SOX5: variants seen among roughly 807,000 people sequenced by gnomAD.
SOX5 encodes the protein SRY-box transcription factor 5.
A neutral mutation model predicts 92.0 loss-of-function variants in SOX5; 9 were observed. The observed-to-expected ratio is 0.10, with a 90% CI of 0.06 to 0.17. The LOEUF (loss-of-function observed/expected upper bound fraction) is 0.17, where lower values mean the gene tolerates loss of function less well. Among genes scored for constraint, SOX5 ranks in the 10% least tolerant of loss-of-function variants. SOX5 has a pLI of 1.00. For synonymous variants in SOX5, 344 were observed against 336.3 expected (o/e 1.02, Z -0.25); for missense variants, 642 against 944.5 (o/e 0.68, Z 4.20).
chr12:24,531,840 G>A (rs1951221280), intron 1 of SOX5, among the ~76,000 whole-genome samples: 1 of 152,176 alleles, frequency 6.6e-6, no homozygotes, highest in Admixed American at 6.5e-5. Flanking sequence ...TGCCCGCTGA[G>A]GTTATCAAAA....
At chr12:24,394,231 T>G (rs1405784584) in intron 1 of SOX5, among the ~76,000 whole-genome samples, 1 of 152,114 alleles carries the variant, frequency 6.6e-6, no homozygotes, top group Non-Finnish European at 1.5e-5. Flanking sequence ...GAAGGCGATC[T>G]CATCCTCACC....
intron 4 of SOX5, among the ~76,000 whole-genome samples, chr12:24,051,515 A>C (rs1480604724): frequency 6.6e-6 from 1 of 152,210 alleles, no homozygotes; most frequent in Non-Finnish European, 1.5e-5. Flanking sequence ...TATGGAATTC[A>C]TTCCAAGAAC....
intron 3 of SOX5, among the ~76,000 whole-genome samples, chr12:23,776,864 C>T (rs2095120284): frequency 1.3e-5 from 2 of 152,210 alleles, no homozygotes; most frequent in African/African-American, 4.8e-5. Flanking sequence ...TCCTAACAGG[C>T]CACGGACCAG....
At chr12:24,238,729 A>G (rs1293672933) in intron 3 of SOX5, among the ~76,000 whole-genome samples, 1 of 151,930 alleles carries the variant, frequency 6.6e-6, no homozygotes, top group Non-Finnish European at 1.5e-5. Flanking sequence ...CTCAATTTCT[A>G]CCTTCTTTTC....
chr12:23,860,727 T>C (rs547743466), intron 2 of SOX5, among the ~76,000 whole-genome samples: 9 of 152,256 alleles, frequency 5.9e-5, no homozygotes, highest in African/African-American at 2.2e-4. Flanking sequence ...TAATGACTTA[T>C]GAAGCATTTA....
chr12:23,927,076 G>A (rs566475055), intron 1 of SOX5, among the ~76,000 whole-genome samples: 4 of 152,028 alleles, frequency 2.6e-5, no homozygotes, highest in Non-Finnish European at 4.4e-5. Flanking sequence ...TTTAAAAACT[G>A]GACATTCCTT....
At chr12:24,403,023 A>G (rs1273254477) in intron 1 of SOX5, among the ~76,000 whole-genome samples, 1 of 152,132 alleles carries the variant, frequency 6.6e-6, no homozygotes, top group African/African-American at 2.4e-5. Flanking sequence ...ACAGGCACAA[A>G]TCTTCCCATG....
At chr12:24,230,382 C>T (rs1037363890) in intron 3 of SOX5, among the ~76,000 whole-genome samples, 4 of 151,906 alleles carry the variant, frequency 2.6e-5, no homozygotes, top group Non-Finnish European at 5.9e-5. Context: ...AGCTATTTAC[C>T]GGTAGAAAAA....
At chr12:24,026,613 A>C (rs1009752642) in intron 4 of SOX5, among the ~76,000 whole-genome samples, 12 of 143,096 alleles carry the variant, frequency 8.4e-5, no homozygotes, top group African/African-American at 1.3e-4. Context: ...AAAAAAAAAA[A>C]CAAAAAAAAT....
chr12:24,210,081 T>C (rs1958444511), intron 4 of SOX5, among the ~76,000 whole-genome samples: 1 of 146,684 alleles, frequency 6.8e-6, no homozygotes, highest in Non-Finnish European at 1.5e-5. Flanking sequence ...CAATAATATC[T>C]ACTTTAACCT....
At chr12:24,093,143 C>T (rs1373492416) in intron 4 of SOX5, among the ~76,000 whole-genome samples, 1 of 152,196 alleles carries the variant, frequency 6.6e-6, no homozygotes, top group Non-Finnish European at 1.5e-5. Flanking sequence ...CTTGATACAA[C>T]ACCTTATCTG....
At chr12:23,889,138 G>T (rs1283074147) in intron 2 of SOX5, among the ~76,000 whole-genome samples, 2 of 152,116 alleles carry the variant, frequency 1.3e-5, no homozygotes, top group Non-Finnish European at 2.9e-5. Context: ...CAGAGTATAG[G>T]AGAATGCTCT....
chr12:24,078,527 A>G (rs763771513), intron 4 of SOX5, among the ~76,000 whole-genome samples: 9 of 152,060 alleles, frequency 5.9e-5, no homozygotes, highest in Non-Finnish European at 1.0e-4. Context: ...ACTGAAAGTC[A>G]TTGAAGGCTT....
chr12:23,815,911 C>T (rs1348724836), intron 3 of SOX5, among the ~76,000 whole-genome samples: 5 of 152,152 alleles, frequency 3.3e-5, no homozygotes, highest in Non-Finnish European at 2.9e-5. Flanking sequence ...GCAGGCTGTA[C>T]TACTCAACCC....
At chr12:23,749,717 A>T (rs1356586605) in intron 4 of SOX5, among the ~76,000 whole-genome samples, 1 of 151,972 alleles carries the variant, frequency 6.6e-6, no homozygotes, top group Admixed American at 6.6e-5. Context: ...TAATTTTAGG[A>T]ACTTTTTCCA....
At chr12:23,742,665 G>A (rs771333157) in intron 4 of SOX5, among the ~76,000 whole-genome samples, 6 of 152,116 alleles carry the variant, frequency 3.9e-5, no homozygotes, top group Non-Finnish European at 7.3e-5. Flanking sequence ...CTTAGAATGC[G>A]CATAACCTAC....
At chr12:24,147,749 A>G (rs189916937) in intron 4 of SOX5, among the ~76,000 whole-genome samples, 1 of 152,340 alleles carries the variant, frequency 6.6e-6, no homozygotes, top group East Asian at 1.9e-4. Flanking sequence ...ACAATTAGCT[A>G]TATTCTATAT....
intron 4 of SOX5, among the ~76,000 whole-genome samples, chr12:24,190,555 T>A (rs1039296267): frequency 6.6e-6 from 1 of 152,232 alleles, no homozygotes; most frequent in Non-Finnish European, 1.5e-5. Context: ...TGGGGCTCTA[T>A]GAAGCCTCAT....
chr12:23,837,188 CAT>C (rs1447841766), intron 3 of SOX5, among the ~76,000 whole-genome samples: 1 of 132,734 alleles, frequency 7.5e-6, no homozygotes, highest in East Asian at 2.0e-4. Context: ...TCCATATATA[CAT>C]GTGTATATAT....
Sources: allele counts gnomAD v4.1 joint callset (sites outside exome capture counted in the v4.1 genomes callset), GRCh38; gene constraint gnomAD v4.1.1; transcripts MANE v1.5; gene names NCBI Gene and HGNC (gene_info 2026-07-23, HGNC 2026-07-21).